Variants in GALNT14 observed in about 807,000 individuals in gnomAD.
GALNT14 encodes the protein UDP-GalNAc:polypeptide N-acetylgalactosaminyltransferase 14.
Under a neutral mutation model 77.5 loss-of-function variants are expected in GALNT14, and 60 were observed. The observed-to-expected ratio is 0.77, with a 90% CI of 0.63 to 0.96. GALNT14 has a LOEUF of 0.96. Among genes scored for constraint, GALNT14 ranks in the 40% least tolerant of loss-of-function variants. The pLI is 0.00. For synonymous variants in GALNT14, 280 were observed against 281.7 expected (o/e 0.99, Z 0.06); for missense variants, 710 against 731.0 (o/e 0.97, Z 0.33).
chr2:31,041,453 C>T (rs1055832640), intron 1 of GALNT14, among the ~76,000 whole-genome samples: 1 of 151,948 alleles, frequency 6.6e-6, no homozygotes, highest in Non-Finnish European at 1.5e-5. Context: ...GCACTGCAGG[C>T]CAGGGGAGAT....
intron 1 of GALNT14, among the ~76,000 whole-genome samples, chr2:31,000,492 G>C (rs576179327): frequency 6.7e-6 from 1 of 148,852 alleles, no homozygotes; most frequent in South Asian, 2.2e-4. Flanking sequence ...GAAATTGAGA[G>C]GACAGATTGA....
intron 1 of GALNT14, among the ~76,000 whole-genome samples, chr2:31,094,300 C>A (rs1045355558): frequency 6.6e-6 from 1 of 152,214 alleles, no homozygotes; most frequent in African/African-American, 2.4e-5. Flanking sequence ...GTTCCTAACT[C>A]CACTGCCTAT....
At chr2:30,899,811 G>A in the GALNT14 span, among the ~76,000 whole-genome samples, 29 of 152,298 alleles carry the variant, frequency 1.9e-4, no homozygotes, top group East Asian at 1.4e-3. Flanking sequence ...GAGTTGGGCC[G>A]CCAGAGTCCA....
intron 1 of GALNT14, among the ~76,000 whole-genome samples, chr2:31,009,801 C>T (rs965037590): frequency 6.6e-6 from 1 of 152,124 alleles, no homozygotes; most frequent in African/African-American, 2.4e-5. Flanking sequence ...TTCTAAATCT[C>T]ACTCTAATCA....
At chr2:30,968,329 C>T (rs1668135105) in intron 2 of GALNT14, among the ~76,000 whole-genome samples, 1 of 152,258 alleles carries the variant, frequency 6.6e-6, no homozygotes, top group Non-Finnish European at 1.5e-5. Flanking sequence ...TCTTCACTAA[C>T]TGGGTTTTAT....
At chr2:31,107,784 T>C (rs1046441627) in intron 1 of GALNT14, among the ~76,000 whole-genome samples, 1 of 152,214 alleles carries the variant, frequency 6.6e-6, no homozygotes, top group Non-Finnish European at 1.5e-5. Context: ...TTTGCCATTA[T>C]GAAGGGTTTC....
Position 30,955,914 on chromosome 2 carries a change from T to C in GALNT14, c.530A>G (p.Gln177Arg), listed in dbSNP as rs1394506339. The C allele has an allele frequency of 1.9e-6, 3 of 1,613,822 alleles. No individual in the cohort carries two copies. Among genetic ancestry groups the C allele is most frequent in the Non-Finnish European group, 2.5e-6 (3 of 1,180,034 alleles). Reference protein sequence around the residue: ...KVKCLRNNERQGLVRSRIRGA... With the variant: ...KVKCLRNNERRGLVRSRIRGA... ...CCCGCACAACAGCTCAGACCTACCTTGCCGTTCATTATTGCGCAAGCATTT... is the reference window on the plus strand; with the variant it reads ...CCCGCACAACAGCTCAGACCTACCTCGCCGTTCATTATTGCGCAAGCATTT... Residue 177 changes from glutamine to arginine, a missense_variant and splice_region_variant, in exon 5 of 15, where the codon CAA becomes CGA. Gln to Arg is a conservative substitution (Grantham distance 43). Coordinates refer to ENST00000349752, the MANE Select transcript of GALNT14 (RefSeq NM_024572.4).
intron 6 of GALNT14, among the ~76,000 whole-genome samples, chr2:30,953,956 AT>A (rs2148312987): frequency 6.6e-6 from 1 of 152,294 alleles, no homozygotes; most frequent in Non-Finnish European, 1.5e-5. Flanking sequence ...ACAAGGAGTC[AT>A]TGGTGCCCCC....
intron 1 of GALNT14, among the ~76,000 whole-genome samples, chr2:31,101,328 T>G (rs1222069947): frequency 1.3e-5 from 2 of 152,260 alleles, no homozygotes; most frequent in African/African-American, 4.8e-5. Flanking sequence ...GAATTGATAT[T>G]CATAAGTGGG....
At chr2:30,897,247 C>T in the GALNT14 span, among the ~76,000 whole-genome samples, 2 of 152,114 alleles carry the variant, frequency 1.3e-5, no homozygotes, top group Admixed American at 6.5e-5. Flanking sequence ...CGCAGCTGGG[C>T]CAGGTGTCCA....
intron 1 of GALNT14, among the ~76,000 whole-genome samples, chr2:31,066,396 C>T (rs998933075): frequency 2.9e-5 from 4 of 137,788 alleles, no homozygotes; most frequent in East Asian, 2.1e-4. Context: ...CCAGCAGCTG[C>T]GAAAGGGTGC....
At chr2:31,046,225 T>C (rs150869498) in intron 1 of GALNT14, among the ~76,000 whole-genome samples, 1,937 of 140,690 alleles carry the variant, frequency 0.014, 55 homozygotes, top group African/African-American at 0.049. Context: ...GGAACCCATA[T>C]TCTTTTTTTT....
chr2:30,911,767 G>C (rs183248388), intron 14 of GALNT14, among the ~76,000 whole-genome samples: 134 of 152,326 alleles, frequency 8.8e-4, no homozygotes, highest in East Asian at 2.7e-3. Context: ...TACCCAGTTG[G>C]CAAGAAACTG....
Position 30,979,814 on chromosome 2 carries a change from G to A in GALNT14, c.299+13024C>T, listed in dbSNP as rs111332420. On this transcript the variant is annotated intron_variant, in intron 2 of 14. Coordinates refer to ENST00000349752, the MANE Select transcript of GALNT14 (RefSeq NM_024572.4). ...ACTCCATCCTGTGTCTGCCACCCTC[G>A]GCTCAGAGGTCTCCCTCCCACAGCA... 4.1e-3 allele frequency among the ~76,000 whole-genome samples: 627 copies of A among 152,084 alleles called. 3 individuals carry two copies. The highest frequency in any genetic ancestry group is 0.014 in the African/African-American group (591 of 41,480).
chr2:31,121,666 A>G (rs534811380), intron 1 of GALNT14, among the ~76,000 whole-genome samples: 208 of 152,138 alleles, frequency 1.4e-3, no homozygotes, highest in African/African-American at 4.6e-3. Flanking sequence ...CTGCCGCCCA[A>G]TAATCTCCCT....
chr2:30,914,824 GA>G (rs1283754927), intron 13 of GALNT14, among the ~76,000 whole-genome samples: 1 of 152,174 alleles, frequency 6.6e-6, no homozygotes, highest in Non-Finnish European at 1.5e-5. Context: ...TTGGGTGGGG[GA>G]TTCTGAAGTC....
intron 1 of GALNT14, among the ~76,000 whole-genome samples, chr2:31,058,393 T>C (rs917602691): frequency 5.9e-5 from 9 of 152,112 alleles, no homozygotes; most frequent in Non-Finnish European, 1.0e-4. Flanking sequence ...TCTGCTTTCA[T>C]TGCAGGCAGG....
At chr2:30,889,791 G>A in the GALNT14 span, among the ~76,000 whole-genome samples, 11 of 152,146 alleles carry the variant, frequency 7.2e-5, no homozygotes, top group East Asian at 3.8e-4. Flanking sequence ...ACCACAGCAC[G>A]TTGGCAAATA....
chr2:30,999,287 G>C (rs1005907347), intron 1 of GALNT14, among the ~76,000 whole-genome samples: 1 of 152,174 alleles, frequency 6.6e-6, no homozygotes, highest in Non-Finnish European at 1.5e-5. Flanking sequence ...GCAACTTCTA[G>C]ATATGTCCTT....
Sources: gnomAD v4.1 joint callset for allele counts (sites outside exome capture counted in the v4.1 genomes callset) on GRCh38, gnomAD v4.1.1 for gene constraint, MANE v1.5 for transcripts, NCBI Gene and HGNC (gene_info 2026-07-23, HGNC 2026-07-21) for gene names.